HNF4G: variants seen among roughly 807,000 people sequenced by gnomAD.
The protein encoded by HNF4G is hepatocyte nuclear factor 4 gamma, also known as hepatocyte nuclear factor 4-gamma.
Under a neutral mutation model 50.9 loss-of-function variants are expected in HNF4G, and 21 were observed. The ratio of observed to expected loss-of-function variants is 0.41; its 90% confidence interval spans 0.29 to 0.59. The LOEUF (loss-of-function observed/expected upper bound fraction) is 0.59. Among genes scored for constraint, HNF4G ranks in the 20% least tolerant of loss-of-function variants. HNF4G has a pLI of 0.26. For missense variants in HNF4G, 527 were observed against 559.4 expected (o/e 0.94, Z 0.58); for synonymous variants, 198 against 185.6 (o/e 1.07, Z -0.54).
chr8:75,535,723 A>T (rs1469058193), upstream of HNF4G, among the ~76,000 whole-genome samples: 1 of 151,902 alleles, frequency 6.6e-6, no homozygotes, highest in East Asian at 1.9e-4. Flanking sequence ...TTTCATGAAA[A>T]TTATTTTATG....
chr8:75,464,213 A>G (rs983228519), intron 1 of HNF4G, among the ~76,000 whole-genome samples: 1 of 150,098 alleles, frequency 6.7e-6, no homozygotes, highest in East Asian at 1.9e-4. Context: ...GAACAAGTTC[A>G]CCATGTGAAA....
chr8:75,459,608 AAAGAC>A (rs1811799648), intron 1 of HNF4G, among the ~76,000 whole-genome samples: 1 of 152,194 alleles, frequency 6.6e-6, no homozygotes, highest in Non-Finnish European at 1.5e-5. Context: ...TTCATTTAGA[AAAGAC>A]AAGTGAACTC....
chr8:75,438,605 T>C (rs1585843135), intron 1 of HNF4G, among the ~76,000 whole-genome samples: 1 of 152,078 alleles, frequency 6.6e-6, no homozygotes, highest in Non-Finnish European at 1.5e-5. Context: ...TCATTTGGAA[T>C]ACAATTTACC....
chr8:75,523,190 A>C (rs1478163118), intron 2 of HNF4G, among the ~76,000 whole-genome samples: 2 of 152,020 alleles, frequency 1.3e-5, no homozygotes, highest in African/African-American at 4.8e-5. Flanking sequence ...GCGCCACTGC[A>C]CTCCAGCCTG....
chr8:75,468,077 G>T (rs1033769835), intron 1 of HNF4G, among the ~76,000 whole-genome samples: 7 of 152,126 alleles, frequency 4.6e-5, no homozygotes, highest in African/African-American at 1.7e-4. Flanking sequence ...CATTGCAATA[G>T]ATGCCTGAGC....
chr8:75,551,141 C>T (rs1806940307), intron 3 of HNF4G, among the ~76,000 whole-genome samples: 1 of 152,196 alleles, frequency 6.6e-6, no homozygotes, highest in African/African-American at 2.4e-5. Context: ...GCGGAACTGG[C>T]TGACCCAACA....
intron 1 of HNF4G, among the ~76,000 whole-genome samples, chr8:75,489,452 A>G (rs983120304): frequency 1.3e-5 from 2 of 152,224 alleles, no homozygotes; most frequent in Non-Finnish European, 2.9e-5. Flanking sequence ...CTGAAGTCAC[A>G]TAGCAATGGT....
rs770197099 is a variant in HNF4G, at chr8:75,558,853, G to A, written c.939G>A (p.Val313=). Residue 313 remains valine, a synonymous_variant, in exon 8 of 10, where the codon GTG becomes GTA. Transcript: ENST00000396423. ...AAATTAAGAACATGAGGTTCCAAGTGCAGATCGGTTTGGAGGACTACATCA... is the reference window on the plus strand; with the variant it reads ...AAATTAAGAACATGAGGTTCCAAGTACAGATCGGTTTGGAGGACTACATCA... The part of the protein sequence containing the change: ...PVKIKNMRFQ[V]QIGLEDYIND... The A allele has an allele frequency of 6.2e-7, 1 of 1,614,104 alleles. No individual in the cohort carries two copies. The highest frequency in any genetic ancestry group is 8.5e-7 in the Non-Finnish European group (1 of 1,179,994).
At chr8:75,460,482 T>G (rs1324594302) in intron 1 of HNF4G, among the ~76,000 whole-genome samples, 1 of 152,168 alleles carries the variant, frequency 6.6e-6, no homozygotes, top group Non-Finnish European at 1.5e-5. Flanking sequence ...AAAAAATCTA[T>G]AGACTTTCCA....
chr8:75,455,268 A>G (rs935229806), intron 1 of HNF4G, among the ~76,000 whole-genome samples: 1 of 152,188 alleles, frequency 6.6e-6, no homozygotes, highest in African/African-American at 2.4e-5. Context: ...CAATTTTTGA[A>G]ACTTTTTATA....
At chr8:75,433,924 T>C (rs1409822197) in intron 1 of HNF4G, among the ~76,000 whole-genome samples, 2 of 151,848 alleles carry the variant, frequency 1.3e-5, no homozygotes, top group Non-Finnish European at 2.9e-5. Flanking sequence ...ACAGTTAAGA[T>C]AGGATTCAAT....
Position 75,564,249 on chromosome 8 carries a change from T to C in HNF4G, c.*153T>C, listed in dbSNP as rs1807400259. ...CCTATTTTCTTGTTTATACGTTCAT[T>C]CTGTTTGTTATTGCTACTATGTAAA... On this transcript the variant is annotated 3_prime_UTR_variant, in exon 10 of 10. Coordinates refer to ENST00000396423, the MANE Select transcript of HNF4G (RefSeq NM_004133.5). 1.4e-6 allele frequency: 1 copy of C among 713,290 alleles called. No homozygotes were observed. Among genetic ancestry groups the C allele is most frequent in the African/African-American group, 1.8e-5 (1 of 55,812 alleles). The allele number at this position is 713,290 out of a possible 1,614,324, so 44.2% of individuals were successfully genotyped here.
At chr8:75,545,336 G>T (rs1806744656) in intron 2 of HNF4G, among the ~76,000 whole-genome samples, 1 of 151,676 alleles carries the variant, frequency 6.6e-6, no homozygotes, top group Non-Finnish European at 1.5e-5. Flanking sequence ...CAAAGGCTAT[G>T]AGGACTTCTG....
intron 1 of HNF4G, among the ~76,000 whole-genome samples, chr8:75,425,485 T>C (rs570096578): frequency 8.3e-4 from 126 of 151,328 alleles, no homozygotes; most frequent in Non-Finnish European, 1.6e-3. Context: ...CATATATCCT[T>C]GTATTGCTTT....
At chr8:75,519,485 G>A (rs140629752) in intron 2 of HNF4G, among the ~76,000 whole-genome samples, 56 of 152,214 alleles carry the variant, frequency 3.7e-4, no homozygotes, top group East Asian at 2.5e-3. Context: ...AGACATACCC[G>A]AGACTGGGTA....
chr8:75,450,748 C>A (rs1399154740), intron 1 of HNF4G, among the ~76,000 whole-genome samples: 3 of 152,180 alleles, frequency 2.0e-5, no homozygotes, highest in Non-Finnish European at 2.9e-5. Context: ...ATCTGCAATG[C>A]AACAAGTGTT....
rs1169915188 is a variant in HNF4G, at chr8:75,565,644, A to C, written c.*1548A>C. ...GAGGGAAAATTGGAAAAACTGGTCG[A>C]GTAATTATCAATAATTTTTTTTAAA... On this transcript the variant is annotated 3_prime_UTR_variant, in exon 10 of 10. Transcript: ENST00000396423. The C allele has an allele frequency of 1.3e-5, 2 of 152,164 alleles. No homozygotes were observed. The highest frequency in any genetic ancestry group is 2.9e-5 in the Non-Finnish European group (2 of 68,018). 9.4% of individuals were successfully genotyped at this position (152,164 alleles called of 1,614,324 possible). A position where few individuals can be genotyped will look rare whatever the true frequency, so the allele number is the denominator to read the frequency against.
upstream of HNF4G, among the ~76,000 whole-genome samples, chr8:75,537,223 A>G (rs925261132): frequency 8.1e-6 from 1 of 123,906 alleles, no homozygotes; most frequent in Non-Finnish European, 1.6e-5. Context: ...CATGAGCATT[A>G]AAAGGCTTTT....
At chr8:75,501,839 A>G (rs1812935972) in intron 2 of HNF4G, among the ~76,000 whole-genome samples, 1 of 118,196 alleles carries the variant, frequency 8.5e-6, no homozygotes, top group Non-Finnish European at 1.7e-5. Context: ...TTTTTTCATG[A>G]TGAGAATACC....
Sources: allele counts gnomAD v4.1 joint callset (sites outside exome capture counted in the v4.1 genomes callset), GRCh38; gene constraint gnomAD v4.1.1; transcripts MANE v1.5; gene names NCBI Gene and HGNC (gene_info 2026-07-23, HGNC 2026-07-21).